The following VEGFA variants were observed in gnomAD, a reference collection of about 807,000 sequenced individuals.
VEGFA encodes vascular endothelial growth factor A, also known as vascular endothelial growth factor A, long form.
In VEGFA, 20 loss-of-function variants were observed where a neutral mutation model predicts 49.7. The observed-to-expected ratio is 0.40, with a 90% CI of 0.28 to 0.58. The LOEUF (loss-of-function observed/expected upper bound fraction) is 0.58, where lower values mean the gene tolerates loss of function less well. Ranked by LOEUF, VEGFA falls within the 20% of genes least tolerant of loss-of-function variation. The pLI, the probability that VEGFA is intolerant of heterozygous loss-of-function variation, is 0.40. For synonymous variants in VEGFA, 219 were observed against 223.4 expected (o/e 0.98, Z 0.18); for missense variants, 505 against 553.5 (o/e 0.91, Z 0.88).
chr6:43,774,636 T>G, intron 2 of VEGFA: 1 of 585,762 alleles, frequency 1.7e-6, no homozygotes, highest in Non-Finnish European at 3.1e-6. Context: ...AGTAAAATTT[T>G]ATTTGGAGAA....
At chr6:43,780,959 CT>C in intron 6 of VEGFA, 156 bp downstream of exon 6, 1 of 1,574,294 alleles carries the variant, frequency 6.4e-7, no homozygotes, top group Non-Finnish European at 8.7e-7. Context: ...TCTCACTCCA[CT>C]AATTGGCACC....
At chr6:43,772,205 C>A in intron 1 of VEGFA, 1 of 342,800 alleles carries the variant, frequency 2.9e-6, no homozygotes, top group Non-Finnish European at 4.1e-6. Context: ...CGCCCCTTCT[C>A]TTCACCCATT....
chr6:43,781,583 C>T (rs544556426), intron 6 of VEGFA: 35 of 347,944 alleles, frequency 1.0e-4, no homozygotes, highest in South Asian at 7.5e-4. Context: ...AGAAGGTGGC[C>T]CCTGATTGCC....
rs1186732322 is a variant in VEGFA, at chr6:43,780,093, G to C, written c.963-639G>C. On this transcript the variant is annotated intron_variant, in intron 5 of 7. Transcript: ENST00000672860. Reference sequence around the variant, plus strand: ...TCCTGCTGCCTGCCCAGGGCTCCAGGACACCCAGCCCTGCCTCCCAGTCCA... The same window carrying C: ...TCCTGCTGCCTGCCCAGGGCTCCAGCACACCCAGCCCTGCCTCCCAGTCCA... 1.9e-5 allele frequency: 4 copies of C among 214,594 alleles called. No homozygotes were observed. The East Asian group carries it at 4.5e-4, about 24-fold the overall frequency. The allele number at this position is 214,594 out of a possible 1,614,324, so 13.3% of individuals were successfully genotyped here. A position where few individuals can be genotyped will look rare whatever the true frequency, so the allele number is the denominator to read the frequency against.
chr6:43,778,621 G>A lies in VEGFA; in HGVS notation c.932+85G>A, dbSNP rs145810503. The A allele has an allele frequency of 1.8e-4, 259 of 1,417,326 alleles. 4 individuals are homozygous for A. The African/African-American group carries it at 2.3e-3, about 13-fold the overall frequency. 87.8% of individuals were successfully genotyped at this position (1,417,326 alleles called of 1,614,324 possible). A position where few individuals can be genotyped will look rare whatever the true frequency, so the allele number is the denominator to read the frequency against. On this transcript the variant is annotated intron_variant, in intron 4 of 7. Transcript: ENST00000672860. ...CAGGGTTAAGCATGCTGTACTTTTTGGCCCCCGTCCAGCTTCCCGCTATGT... is the reference window on the plus strand; with the variant it reads ...CAGGGTTAAGCATGCTGTACTTTTTAGCCCCCGTCCAGCTTCCCGCTATGT...
Position 43,784,855 on chromosome 6 carries a change from G to T in VEGFA, c.*293G>T. 3.4e-6 allele frequency: 2 copies of T among 583,930 alleles called. No individual in the cohort carries two copies. Among genetic ancestry groups the T allele is most frequent in the Non-Finnish European group, 6.1e-6 (2 of 326,444 alleles). The allele number at this position is 583,930 out of a possible 1,614,324, so 36.2% of individuals were successfully genotyped here. On this transcript the variant is annotated 3_prime_UTR_variant, in exon 8 of 8. Transcript: ENST00000672860. ...ATTTTTCTTGCTGCTAAATCACCGAGCCCGGAAGATTAGAGAGTTTTATTT... is the reference window on the plus strand; with the variant it reads ...ATTTTTCTTGCTGCTAAATCACCGATCCCGGAAGATTAGAGAGTTTTATTT...
chr6:43,771,134 C>T lies in VEGFA; in HGVS notation c.428C>T (p.Ser143Leu). The change falls in exon 1 of 8, where the codon TCG becomes TTG. Residue 143 changes from serine (S) to leucine (L), a missense_variant. Physicochemically the swap from Ser to Leu is moderately radical, Grantham distance 145. Around this residue, in one of 2 missense-constraint regions of VEGFA, gnomAD observed 340 missense variants for 321.8 expected, o/e 1.06. Coordinates refer to ENST00000672860, the MANE Select transcript of VEGFA (RefSeq NM_003376.6). ...GCTCCCCAGGCCCTGGCCCGGGCCT[C>T]GGGCCGGGGAGGAAGAGTAGCTCGC... The T allele has an allele frequency of 3.3e-6, 5 of 1,495,226 alleles. No homozygotes were observed. Among genetic ancestry groups the T allele is most frequent in the Admixed American group, 2.2e-5 (1 of 44,562 alleles). 92.6% of individuals were successfully genotyped at this position (1,495,226 alleles called of 1,614,324 possible).
intron 2 of VEGFA, 170 bp downstream of exon 2, chr6:43,774,562 G>T (rs1229238326): frequency 3.7e-5 from 28 of 755,466 alleles, no homozygotes; most frequent in Non-Finnish European, 4.6e-6. Context: ...GTTTCGTGAG[G>T]ACTCTCCGCT....
intron 4 of VEGFA, 114 bp downstream of exon 4, chr6:43,778,650 C>A: frequency 8.3e-7 from 1 of 1,206,298 alleles, no homozygotes; most frequent in Non-Finnish European, 1.2e-6. Context: ...GCTATGTGAC[C>A]TTTGGCATTT....
At chr6:43,779,042 G>T (rs1766419964) in intron 5 of VEGFA, 124 bp downstream of exon 5, 1 of 1,291,716 alleles carries the variant, frequency 7.7e-7, no homozygotes, top group Non-Finnish European at 1.1e-6. Flanking sequence ...TCTTGTGGGG[G>T]ACTTGTGGTG....
At chr6:43,782,524 G>T (rs558690152) in intron 7 of VEGFA, 1 of 295,108 alleles carries the variant, frequency 3.4e-6, no homozygotes, top group African/African-American at 2.2e-5. Flanking sequence ...GCCTTGCCTC[G>T]GCCCTTTGAA....
chr6:43,777,600 G>C lies in VEGFA; in HGVS notation c.790G>C (p.Gly264Arg), dbSNP rs368256497. ...ATCCTGTGTGCCCCTGATGCGATGC[G>C]GGGGCTGCTGCAATGACGAGGGCCT... The change falls in exon 3 of 8, where the codon GGG becomes CGG. Residue 264 changes from glycine (G) to arginine (R), a missense_variant. By Grantham distance (125) the Gly-to-Arg change is moderately radical. Coordinates refer to ENST00000672860, the MANE Select transcript of VEGFA (RefSeq NM_003376.6). The surrounding 1 kb of genome is among the most constrained non-coding windows in gnomAD (Gnocchi z 4.3). The C allele has an allele frequency of 6.2e-7, 1 of 1,614,108 alleles. No homozygotes were observed. The highest frequency in any genetic ancestry group is 2.2e-5 in the East Asian group (1 of 44,878).
rs565463383 is a variant in VEGFA, at chr6:43,773,848, G to A, written c.607-493G>A. 1.7e-4 allele frequency: 31 copies of A among 185,518 alleles called. No individual in the cohort carries two copies. The highest frequency in any genetic ancestry group is 1.2e-3 in the Admixed American group (23 of 18,906). 11.5% of individuals were successfully genotyped at this position (185,518 alleles called of 1,614,324 possible). ...CCTTCGGTCCTCGGCACCCCCCTCC[G>A]TCTCCAACACCAGCTCACCCTGGTA... On this transcript the variant is annotated intron_variant, in intron 1 of 7. Coordinates refer to ENST00000672860, the MANE Select transcript of VEGFA (RefSeq NM_003376.6). This position sits in a 1 kb window ranked among gnomAD's most constrained non-coding sequence, Gnocchi z 5.6.
intron 6 of VEGFA, 159 bp from the exon 7 acceptor site, chr6:43,781,797 G>T (rs954020305): frequency 1.1e-6 from 1 of 940,544 alleles, no homozygotes; most frequent in Non-Finnish European, 1.6e-6. Context: ...CGCTCTCTCT[G>T]TCTTTTGCTG....
chr6:43,779,097 G>A (rs1766443311), intron 5 of VEGFA, 179 bp downstream of exon 5: 1 of 753,994 alleles, frequency 1.3e-6, no homozygotes, highest in East Asian at 2.6e-5. Context: ...ATGGCTCTAG[G>A]GCTAGTGAGA....
At chr6:43,783,618 C>T (rs2128058310) in intron 7 of VEGFA, 1 of 152,750 alleles carries the variant, frequency 6.5e-6, no homozygotes, top group South Asian at 2.1e-4. Context: ...GTTACTCTAA[C>T]CTCCCAATAC....
chr6:43,785,328 A>C lies in VEGFA; in HGVS notation c.*766A>C, dbSNP rs1769270259. 4.7e-6 allele frequency: 1 copy of C among 211,594 alleles called. No homozygotes were observed. The highest frequency in any genetic ancestry group is 9.6e-6 in the Non-Finnish European group (1 of 104,048). 13.1% of individuals were successfully genotyped at this position (211,594 alleles called of 1,614,324 possible). ...GATGAGGACACCGGCTCTGACCAGG[A>C]GTTTGGGGAGCTTCAGGACATTGCT... On this transcript the variant is annotated 3_prime_UTR_variant, in exon 8 of 8. Coordinates refer to ENST00000672860, the MANE Select transcript of VEGFA (RefSeq NM_003376.6).
rs1763249785 is a variant in VEGFA, at chr6:43,770,603, G to C, written c.-104G>C. The C allele has an allele frequency of 1.4e-6, 2 of 1,428,138 alleles. No homozygotes were observed. Among genetic ancestry groups the C allele is most frequent in the East Asian group, 5.8e-5 (2 of 34,508 alleles). The allele number at this position is 1,428,138 out of a possible 1,614,324, so 88.5% of individuals were successfully genotyped here. Reference sequence around the variant, plus strand: ...TCAGAGAGAGCGCGCGGGCGTGCGAGCAGCGAAAGCGACAGGGGCAAAGTG... The same window carrying C: ...TCAGAGAGAGCGCGCGGGCGTGCGACCAGCGAAAGCGACAGGGGCAAAGTG... On this transcript the variant is annotated 5_prime_UTR_variant, in exon 1 of 8. Coordinates refer to ENST00000672860, the MANE Select transcript of VEGFA (RefSeq NM_003376.6).
Position 43,777,600 on chromosome 6 carries a change from G to A in VEGFA, c.790G>A (p.Gly264Arg), listed in dbSNP as rs368256497. Residue 264 changes from glycine (G) to arginine (R), a missense_variant, in exon 3 of 8, where the codon GGG (glycine) becomes AGG (arginine). This residue lies in a region of VEGFA where 165 missense variants were observed against 231.7 expected (regional missense o/e 0.71). Coordinates refer to ENST00000672860, the MANE Select transcript of VEGFA (RefSeq NM_003376.6). The surrounding 1 kb of genome is among the most constrained non-coding windows in gnomAD (Gnocchi z 4.3). ...ATCCTGTGTGCCCCTGATGCGATGC[G>A]GGGGCTGCTGCAATGACGAGGGCCT... 21 of 1,613,990 alleles carry A rather than the reference G, an allele frequency of 1.3e-5. No homozygotes were observed. Among genetic ancestry groups the A allele is most frequent in the South Asian group, 6.6e-5 (6 of 91,064 alleles).
Sources: gnomAD v4.1 joint callset for allele counts on GRCh38, gnomAD v4.1.1 for gene constraint, gnomAD v4.1.1 regional missense constraint, Gnocchi (gnomAD v3.1) non-coding constraint, MANE v1.5 for transcripts, NCBI Gene and HGNC (gene_info 2026-07-23, HGNC 2026-07-21) for gene names.